The following ITGB5 variants were observed in gnomAD, a reference collection of about 807,000 sequenced individuals.
ITGB5 encodes integrin subunit beta 5.
In ITGB5, 38 loss-of-function variants were observed where a neutral mutation model predicts 84.8. The ratio of observed to expected loss-of-function variants is 0.45; its 90% CI spans 0.35 to 0.59. ITGB5 has a LOEUF of 0.59. Among genes scored for constraint, ITGB5 ranks in the 20% least tolerant of loss-of-function variants. ITGB5 has a pLI of 0.01. For synonymous variants in ITGB5, 393 were observed against 414.4 expected, an observed-to-expected ratio of 0.95 and a Z score of 0.63; for missense variants, 905 against 1,034.5, an observed-to-expected ratio of 0.87 and a Z score of 1.72.
rs1396091822 is a variant in ITGB5, at chr3:124,846,378, AG to A, written c.611+1930del. On this transcript the variant is annotated intron_variant, in intron 4 of 14. Coordinates refer to ENST00000296181, the MANE Select transcript of ITGB5 (RefSeq NM_002213.5). ...GCTGGATCCCTGAGTTACTGCATGGAGAGCTGCCAAGGAAAGCAGCTCAGCC... is the reference window on the plus strand; with the variant it reads ...GCTGGATCCCTGAGTTACTGCATGGAAGCTGCCAAGGAAAGCAGCTCAGCC... 2.6e-5 allele frequency among the ~76,000 whole-genome samples: 4 copies of A among 151,428 alleles called. No individual in the cohort carries two copies. The East Asian group carries it at 7.8e-4, about 30-fold the overall frequency.
chr3:124,861,721 C>T (rs1404843431), intron 2 of ITGB5, among the ~76,000 whole-genome samples: 2 of 152,050 alleles, frequency 1.3e-5, no homozygotes, highest in East Asian at 3.9e-4. Flanking sequence ...ACCACCATGC[C>T]CAGCTAATTT....
Position 124,820,156 on chromosome 3 carries a change from G to C in ITGB5, c.943-322C>G, listed in dbSNP as rs544589784. On this transcript the variant is annotated intron_variant, in intron 6 of 14. Transcript: ENST00000296181. ...CTTTCAGCAGGGAGGGGGACTAGTG[G>C]GGACGCCCTAGAGAACAGCCACCAC... Among the ~76,000 whole-genome samples the C allele has an allele frequency of 3.9e-5, 6 of 152,198 alleles. No individual in the cohort carries two copies. In the East Asian group the frequency reaches 5.8e-4, roughly 15 times the overall value.
intron 9 of ITGB5, among the ~76,000 whole-genome samples, chr3:124,807,789 C>CA (rs754878149): frequency 3.3e-5 from 5 of 150,848 alleles, no homozygotes; most frequent in Non-Finnish European, 7.4e-5. Context: ...ACTAAAAATA[C>CA]AAAAAAATTA....
intron 3 of ITGB5, among the ~76,000 whole-genome samples, chr3:124,850,263 T>C (rs888969053): frequency 1.3e-5 from 2 of 151,878 alleles, no homozygotes; most frequent in Admixed American, 1.3e-4. Flanking sequence ...GTCCCTTGAA[T>C]AGGAGTGCAA....
chr3:124,797,530 G>C (rs1274629986), intron 9 of ITGB5, among the ~76,000 whole-genome samples: 2 of 152,224 alleles, frequency 1.3e-5, no homozygotes, highest in South Asian at 2.1e-4. Context: ...TTTTTAAACA[G>C]AATATGTAAG....
intron 10 of ITGB5, among the ~76,000 whole-genome samples, chr3:124,781,510 AT>A (rs1236140210): frequency 6.6e-6 from 1 of 152,020 alleles, no homozygotes; most frequent in Non-Finnish European, 1.5e-5. Context: ...AAGAACAGAG[AT>A]TTCTGAAACG....
chr3:124,807,992 G>T (rs559888986), intron 9 of ITGB5, among the ~76,000 whole-genome samples: 1 of 136,512 alleles, frequency 7.3e-6, no homozygotes, highest in South Asian at 2.4e-4. Context: ...AGGTATGTCT[G>T]TGTGTTGTGA....
intron 10 of ITGB5, among the ~76,000 whole-genome samples, chr3:124,794,392 A>G (rs1013735702): frequency 9.8e-5 from 15 of 152,340 alleles, no homozygotes; most frequent in African/African-American, 3.6e-4. Flanking sequence ...CTCCTTCTGA[A>G]CCACAGTTCT....
At chr3:124,811,759 A>G (rs2064507325) in intron 8 of ITGB5, among the ~76,000 whole-genome samples, 1 of 152,198 alleles carries the variant, frequency 6.6e-6, no homozygotes, top group African/African-American at 2.4e-5. Context: ...AACTCTTAAG[A>G]CATTTCAGGC....
At chr3:124,826,159 G>A (rs768549953) in intron 5 of ITGB5, among the ~76,000 whole-genome samples, 3 of 152,130 alleles carry the variant, frequency 2.0e-5, no homozygotes, top group Non-Finnish European at 2.9e-5. Context: ...TAAAGTTATA[G>A]ACAATTTTTT....
intron 2 of ITGB5, among the ~76,000 whole-genome samples, chr3:124,860,319 A>G (rs2065278268): frequency 6.6e-6 from 1 of 152,170 alleles, no homozygotes; most frequent in African/African-American, 2.4e-5. Context: ...AATTTAAAAT[A>G]TTTACACTAA....
chr3:124,870,437 C>A (rs3772865), intron 2 of ITGB5, among the ~76,000 whole-genome samples: 63,199 of 151,968 alleles, frequency 0.42, 13,385 homozygotes, highest in East Asian at 0.67. Context: ...ACAGATAGAA[C>A]CCCTGCCCCA....
intron 10 of ITGB5, among the ~76,000 whole-genome samples, chr3:124,793,379 C>T (rs567109613): frequency 1.3e-5 from 2 of 152,292 alleles, no homozygotes; most frequent in East Asian, 3.9e-4. Flanking sequence ...TGCTAAAAAG[C>T]CTGCCAGGCT....
intron 1 of ITGB5, among the ~76,000 whole-genome samples, chr3:124,897,485 ATC>A (rs1935126579): frequency 6.6e-6 from 1 of 152,114 alleles, no homozygotes; most frequent in Non-Finnish European, 1.5e-5. Context: ...TATGTAATTA[ATC>A]TCTGACTTAT....
At position 124,857,083 on chromosome 3, in the gene ITGB5, CTTT is replaced by C. The variant is rs577790909; in HGVS notation, c.361+2156_361+2158del. The C allele has an allele frequency of 2.0e-5, 3 of 152,360 alleles. No homozygotes were observed. In the East Asian group the frequency reaches 5.8e-4, roughly 29 times the overall value. The allele number at this position is 152,360 out of a possible 1,614,324, so 9.4% of individuals were successfully genotyped here. On this transcript the variant is annotated intron_variant, in intron 3 of 14. Transcript: ENST00000296181. The stretch of plus-strand genomic sequence containing the variant: ...TCCAGCAGGGCCAACTTACACTCTT[CTTT>C]TGTTTCTTATTTTCAAGACAATTAA...
intron 10 of ITGB5, among the ~76,000 whole-genome samples, chr3:124,780,073 A>C (rs943689039): frequency 1.3e-5 from 2 of 152,136 alleles, no homozygotes; most frequent in Non-Finnish European, 2.9e-5. Flanking sequence ...ATGCCAGAGC[A>C]GGGCACAGTG....
Position 124,763,630 on chromosome 3 carries a change from A to G in ITGB5, c.2393T>C (p.Val798Ala). The change falls in exon 15 of 15, where the codon GTG becomes GCG. Residue 798 changes from valine to alanine, a missense_variant. By Grantham distance (64) the Val-to-Ala change is moderately conservative. Coordinates refer to ENST00000296181, the MANE Select transcript of ITGB5 (RefSeq NM_002213.5). ...CCCTCGGAGAAGGAAACATCAGTCCACAGTGCCATTGTAGGATTTGTTGAA... is the reference window on the plus strand; with the variant it reads ...CCCTCGGAGAAGGAAACATCAGTCCGCAGTGCCATTGTAGGATTTGTTGAA... ...NKFNKSYNGT[V>A]D 6.3e-7 allele frequency: 1 copy of G among 1,590,328 alleles called. No individual in the cohort carries two copies. Among genetic ancestry groups the G allele is most frequent in the Non-Finnish European group, 8.6e-7 (1 of 1,158,412 alleles).
At chr3:124,891,926 T>A (rs1055782632), upstream of ITGB5, among the ~76,000 whole-genome samples, 127 of 146,194 alleles carry the variant, frequency 8.7e-4, no homozygotes, top group African/African-American at 3.1e-3. Context: ...CAAAAAAAAA[T>A]AAAAATAAAA....
chr3:124,765,516 C>A (rs1176126343), intron 13 of ITGB5, among the ~76,000 whole-genome samples: 1 of 152,236 alleles, frequency 6.6e-6, no homozygotes, highest in Non-Finnish European at 1.5e-5. Context: ...ACCCTCCCTG[C>A]AGAACACAGC....
Sources: gnomAD v4.1 joint callset for allele counts (sites outside exome capture counted in the v4.1 genomes callset) on GRCh38, gnomAD v4.1.1 for gene constraint, MANE v1.5 for transcripts, NCBI Gene and HGNC (gene_info 2026-07-23, HGNC 2026-07-21) for gene names.